HMGB1: variants seen among roughly 807,000 people sequenced by gnomAD.
HMGB1 encodes the protein high mobility group box 1, also known as high mobility group protein B1.
For missense variants in HMGB1, 79 were observed against 253.5 expected (o/e 0.31, Z 4.67); for synonymous variants, 81 against 84.0 (o/e 0.96, Z 0.19).
At chr13:30,498,773 G>A (rs1002289224) in intron 1 of HMGB1, among the ~76,000 whole-genome samples, 2 of 151,332 alleles carry the variant, frequency 1.3e-5, no homozygotes, top group Admixed American at 6.6e-5. Context: ...TTAGCCTCCC[G>A]AGTAGCTGGG....
At chr13:30,584,728 CA>C (rs2137546215) in intron 1 of HMGB1, among the ~76,000 whole-genome samples, 1 of 152,234 alleles carries the variant, frequency 6.6e-6, no homozygotes, top group African/African-American at 2.4e-5. Context: ...CTATTTTGGT[CA>C]ACCAGAATTC....
chr13:30,546,094 C>A (rs1869144620), intron 1 of HMGB1, among the ~76,000 whole-genome samples: 1 of 152,132 alleles, frequency 6.6e-6, no homozygotes, highest in Non-Finnish European at 1.5e-5. Flanking sequence ...TTCTATGGCA[C>A]ACTGCTGGAG....
intron 1 of HMGB1, among the ~76,000 whole-genome samples, chr13:30,481,626 G>A (rs1014610215): frequency 7.2e-5 from 11 of 152,216 alleles, no homozygotes; most frequent in African/African-American, 2.4e-4. Context: ...CCCCCGGTGG[G>A]GCAAAATCAG....
rs1299705754 is a variant in HMGB1 at position 30,474,955 on chromosome 13, T to TTTTG, written c.-14-11265_-14-11262dup. Among the ~76,000 whole-genome samples, 24 of 54,282 alleles carry TTTTG rather than the reference T, an allele frequency of 4.4e-4. 5 individuals carry two copies. The highest frequency in any genetic ancestry group is 8.5e-3 in the Middle Eastern group (1 of 118). The allele number at this position is 54,282 out of a possible 152,430, so 35.6% of individuals were successfully genotyped here. On this transcript the variant is annotated intron_variant, in intron 1 of 4. Transcript: ENST00000405805. Reference sequence around the variant, plus strand: ...TTTCTCTTTTTTTTTTCTTTTCTTTTTTTGTTTTTTTTTTTTTTTTTTTTT... The same window carrying TTTTG: ...TTTCTCTTTTTTTTTTCTTTTCTTTTTTTGTTTGTTTTTTTTTTTTTTTTTTTTT...
chr13:30,525,197 G>A (rs1888335300), intron 1 of HMGB1, among the ~76,000 whole-genome samples: 1 of 152,170 alleles, frequency 6.6e-6, no homozygotes, highest in South Asian at 2.1e-4. Flanking sequence ...GAAAGCATCT[G>A]ATCATTTAAA....
rs1362614702 is a variant in HMGB1, at chr13:30,458,001, AAAT to A, written c.*3353_*3355del. The stretch of plus-strand genomic sequence containing the variant: ...AAAGCACAAATATGAAAAGAAATTC[AAAT>A]ATTATCACACTCCCTAATAAAACAG... On this transcript the variant is annotated 3_prime_UTR_variant, in exon 5 of 5. Transcript: ENST00000341423. The A allele has an allele frequency of 1.3e-5, 2 of 152,226 alleles. No individual in the cohort carries two copies. The highest frequency in any genetic ancestry group is 4.8e-5 in the African/African-American group (2 of 41,450). The allele number at this position is 152,226 out of a possible 1,614,324, so 9.4% of individuals were successfully genotyped here.
At chr13:30,601,117 C>T (rs948390809) in intron 1 of HMGB1, among the ~76,000 whole-genome samples, 1 of 152,174 alleles carries the variant, frequency 6.6e-6, no homozygotes, top group Non-Finnish European at 1.5e-5. Context: ...TTTATAATTT[C>T]CCCCACCCTT....
At chr13:30,579,410 A>C (rs945754565) in intron 1 of HMGB1, among the ~76,000 whole-genome samples, 1 of 152,234 alleles carries the variant, frequency 6.6e-6, no homozygotes. Context: ...ACGTGGTTTT[A>C]AAAGAGGCTT....
At chr13:30,541,832 C>G (rs1593300407) in intron 1 of HMGB1, 1 of 155,430 alleles carries the variant, frequency 6.4e-6, no homozygotes, top group East Asian at 1.9e-4. Context: ...CTTTAGGAAG[C>G]ATGGCTTTGT....
intron 1 of HMGB1, among the ~76,000 whole-genome samples, chr13:30,491,674 GA>G (rs953914603): frequency 5.7e-5 from 8 of 140,686 alleles, no homozygotes; most frequent in Admixed American, 1.4e-4. Context: ...AAAAAAAAAA[GA>G]AAAAAAAAGA....
At chr13:30,515,515 A>ACC (rs1593285592) in intron 1 of HMGB1, among the ~76,000 whole-genome samples, 1 of 152,212 alleles carries the variant, frequency 6.6e-6, no homozygotes, top group East Asian at 1.9e-4. Flanking sequence ...CATTACATTC[A>ACC]ATAAATACTC....
chr13:30,594,103 C>T (rs1871491297), intron 1 of HMGB1, among the ~76,000 whole-genome samples: 1 of 152,072 alleles, frequency 6.6e-6, no homozygotes, highest in African/African-American at 2.4e-5. Context: ...TGTGTATATT[C>T]ATTTACATAC....
At chr13:30,608,866 A>G (rs1326033009) in intron 1 of HMGB1, among the ~76,000 whole-genome samples, 1 of 152,254 alleles carries the variant, frequency 6.6e-6, no homozygotes. Flanking sequence ...ATTACTTATC[A>G]ACCTCTAAAC....
At chr13:30,557,850 C>T (rs948188355) in intron 1 of HMGB1, among the ~76,000 whole-genome samples, 3 of 152,234 alleles carry the variant, frequency 2.0e-5, no homozygotes, top group African/African-American at 4.8e-5. Flanking sequence ...AAGAAGAGAG[C>T]GAGACAGGGC....
At chr13:30,483,894 T>C (rs1185933891) in intron 1 of HMGB1, among the ~76,000 whole-genome samples, 2 of 152,042 alleles carry the variant, frequency 1.3e-5, no homozygotes, top group Non-Finnish European at 2.9e-5. Context: ...GATTATAGGT[T>C]TGAGCTACTG....
At chr13:30,462,438 T>A (rs1026867229) in intron 4 of HMGB1, 100 bp downstream of exon 4, 2 of 905,694 alleles carry the variant, frequency 2.2e-6, no homozygotes, top group African/African-American at 1.6e-5. Flanking sequence ...CCATACTTAA[T>A]GTAGCTGTTA....
chr13:30,461,790 A>G (rs2137393955), intron 4 of HMGB1: 3 of 715,316 alleles, frequency 4.2e-6, no homozygotes, highest in East Asian at 3.5e-5. Flanking sequence ...TTGAGGTGCA[A>G]TTATGTACCA....
intron 1 of HMGB1, among the ~76,000 whole-genome samples, chr13:30,556,201 T>C (rs1278878188): frequency 2.0e-5 from 3 of 152,156 alleles, no homozygotes; most frequent in African/African-American, 7.2e-5. Flanking sequence ...GACTGGGAGT[T>C]TGAGACCAGC....
intron 4 of HMGB1, chr13:30,462,225 T>TA (rs1886392394): frequency 2.6e-6 from 1 of 389,364 alleles, no homozygotes; most frequent in Non-Finnish European, 4.9e-6. Flanking sequence ...CCTGTTTTTG[T>TA]ACTGTATGCC....
Sources: allele counts gnomAD v4.1 joint callset (sites outside exome capture counted in the v4.1 genomes callset), GRCh38; gene constraint gnomAD v4.1.1; transcripts MANE v1.5; gene names NCBI Gene and HGNC (gene_info 2026-07-23, HGNC 2026-07-21).